EPHA3: variants seen among roughly 807,000 people sequenced by gnomAD.
EPHA3 encodes the protein ephrin type-A receptor 3.
In EPHA3, 42 loss-of-function variants were observed where a neutral mutation model predicts 107.1. The ratio of observed to expected loss-of-function variants is 0.39; its 90% CI spans 0.31 to 0.51. The LOEUF is 0.51. EPHA3 is among the 20% of genes least tolerant of loss of function. EPHA3 has a pLI of 0.78. For missense variants in EPHA3, 1,183 were observed against 1,211.2 expected (o/e 0.98, Z 0.35); for synonymous variants, 461 against 424.8 (o/e 1.09, Z -1.05).
chr3:89,235,958 TTCAA>T (rs1704749879), intron 3 of EPHA3, among the ~76,000 whole-genome samples: 1 of 152,066 alleles, frequency 6.6e-6, no homozygotes, highest in Non-Finnish European at 1.5e-5. Flanking sequence ...AACATATATA[TTCAA>T]TAAACATGGG....
intron 3 of EPHA3, among the ~76,000 whole-genome samples, chr3:89,241,636 A>G (rs2107244936): frequency 6.6e-6 from 1 of 152,240 alleles, no homozygotes; most frequent in East Asian, 1.9e-4. Context: ...ATTGACAAAT[A>G]CCATTATTTT....
intron 2 of EPHA3, among the ~76,000 whole-genome samples, chr3:89,141,222 G>T (rs1335026056): frequency 6.6e-6 from 1 of 151,514 alleles, no homozygotes; most frequent in African/African-American, 2.4e-5. Flanking sequence ...TTATGCCAAG[G>T]GTTTGGCTTC....
At chr3:89,164,120 T>A (rs1559759254) in intron 2 of EPHA3, among the ~76,000 whole-genome samples, 4 of 152,078 alleles carry the variant, frequency 2.6e-5, no homozygotes, top group Non-Finnish European at 5.9e-5. Context: ...TAGAGAAGAC[T>A]AATTGATTTA....
chr3:89,196,643 C>A (rs1473954111), intron 2 of EPHA3, among the ~76,000 whole-genome samples: 1 of 148,004 alleles, frequency 6.8e-6, no homozygotes, highest in Non-Finnish European at 1.5e-5. Flanking sequence ...ATGTGCTCAT[C>A]CTCCTTCTTC....
intron 15 of EPHA3, 102 bp downstream of exon 15, chr3:89,450,472 A>G (rs991135405): frequency 8.9e-6 from 10 of 1,124,492 alleles, no homozygotes; most frequent in Middle Eastern, 3.0e-4. Flanking sequence ...CATTATTTGA[A>G]GCTTGTATTC....
At chr3:89,240,226 G>T (rs900910193) in intron 3 of EPHA3, among the ~76,000 whole-genome samples, 3 of 152,068 alleles carry the variant, frequency 2.0e-5, no homozygotes, top group African/African-American at 7.2e-5. Context: ...TTTCTGTTTT[G>T]TTTTTTGTGT....
At chr3:89,259,630 C>G (rs1426094858) in intron 3 of EPHA3, among the ~76,000 whole-genome samples, 1 of 152,136 alleles carries the variant, frequency 6.6e-6, no homozygotes, top group East Asian at 1.9e-4. Context: ...AATGGTTGCT[C>G]TACTGAAGCA....
Position 89,230,558 on chromosome 3 carries a change from C to T in EPHA3, c.814+20038C>T, listed in dbSNP as rs145104192. On this transcript the variant is annotated intron_variant, in intron 3 of 16. Coordinates refer to ENST00000336596, the MANE Select transcript of EPHA3 (RefSeq NM_005233.6). Reference sequence around the variant, plus strand: ...ACTATGGTAACATGGTTTTGATCATCTATCCAAATTCTTCTTTCTATAGTA... The same window carrying T: ...ACTATGGTAACATGGTTTTGATCATTTATCCAAATTCTTCTTTCTATAGTA... Among the ~76,000 whole-genome samples the T allele has an allele frequency of 1.2e-4, 18 of 152,092 alleles. No homozygotes were observed. The East Asian group carries it at 3.5e-3, about 29-fold the overall frequency.
intron 2 of EPHA3, among the ~76,000 whole-genome samples, chr3:89,196,393 C>T (rs954401501): frequency 2.6e-5 from 4 of 152,072 alleles, no homozygotes; most frequent in African/African-American, 9.7e-5. Context: ...TATATCTCTC[C>T]CACTGGTATG....
intron 2 of EPHA3, among the ~76,000 whole-genome samples, chr3:89,190,822 C>T (rs1705696080): frequency 6.6e-6 from 1 of 152,136 alleles, no homozygotes; most frequent in Non-Finnish European, 1.5e-5. Context: ...ATTGTCTTCC[C>T]TCAATATATG....
At chr3:89,345,606 C>CTTTTTTTTTTTTTTTTTT (rs528144226) in intron 5 of EPHA3, among the ~76,000 whole-genome samples, 2 of 136,656 alleles carry the variant, frequency 1.5e-5, no homozygotes, top group Admixed American at 7.4e-5. Flanking sequence ...GTGACAATTT[C>CTTTTTTTTTTTTTTTTTT]TTTTTTTTTT....
At chr3:89,329,640 C>T (rs1314347231) in intron 3 of EPHA3, among the ~76,000 whole-genome samples, 3 of 151,884 alleles carry the variant, frequency 2.0e-5, no homozygotes, top group African/African-American at 7.3e-5. Context: ...TTTAGCATAA[C>T]ATAGTGAAGA....
At chr3:89,348,650 TC>T (rs1171883289) in intron 5 of EPHA3, among the ~76,000 whole-genome samples, 1 of 118,088 alleles carries the variant, frequency 8.5e-6, no homozygotes, top group Non-Finnish European at 1.7e-5. Flanking sequence ...TTTCTTGCCT[TC>T]TGCTAGCTTT....
intron 3 of EPHA3, among the ~76,000 whole-genome samples, chr3:89,331,137 A>C (rs1187617179): frequency 1.3e-5 from 2 of 152,330 alleles, no homozygotes; most frequent in East Asian, 3.9e-4. Context: ...TACATACGTT[A>C]CATGTACATA....
Position 89,403,055 on chromosome 3 carries a change from T to C in EPHA3, c.1594+3575T>C, listed in dbSNP as rs116438396. ...ATTTCTTGGTAGAACACAATGTATT[T>C]TGAGCTGGAATTTAGATAACATTTT... is the stretch of plus-strand genomic sequence containing the variant. On this transcript the variant is annotated intron_variant, in intron 7 of 16. Coordinates refer to ENST00000336596, the MANE Select transcript of EPHA3 (RefSeq NM_005233.6). 6.7e-3 allele frequency among the ~76,000 whole-genome samples: 1,014 copies of C among 152,342 alleles called. 15 individuals are homozygous for C. Among genetic ancestry groups the C allele is most frequent in the African/African-American group, 0.023 (973 of 41,578 alleles).
At chr3:89,301,555 C>T (rs977591094) in intron 3 of EPHA3, among the ~76,000 whole-genome samples, 28 of 151,972 alleles carry the variant, frequency 1.8e-4, no homozygotes, top group Non-Finnish European at 1.5e-5. Flanking sequence ...TATTTTCACT[C>T]CTCATGTTGG....
At chr3:89,209,763 G>T in intron 2 of EPHA3, 97 bp from the exon 3 acceptor site, 4 of 1,018,124 alleles carry the variant, frequency 3.9e-6, no homozygotes, top group Non-Finnish European at 4.1e-6. Flanking sequence ...ATGAGTAAAT[G>T]ATGATTTATT....
At chr3:89,330,591 T>C (rs1707264249) in intron 3 of EPHA3, among the ~76,000 whole-genome samples, 2 of 152,132 alleles carry the variant, frequency 1.3e-5, no homozygotes, top group Non-Finnish European at 2.9e-5. Context: ...AAAATAAATT[T>C]ATCTAAACAG....
chr3:89,294,331 T>C (rs1018257628), intron 3 of EPHA3, among the ~76,000 whole-genome samples: 5 of 152,220 alleles, frequency 3.3e-5, no homozygotes, highest in African/African-American at 4.8e-5. Context: ...TTTGCACTTT[T>C]GGAGAAAATC....
Sources: allele counts gnomAD v4.1 joint callset (sites outside exome capture counted in the v4.1 genomes callset), GRCh38; gene constraint gnomAD v4.1.1; transcripts MANE v1.5; gene names NCBI Gene and HGNC (gene_info 2026-07-23, HGNC 2026-07-21).